EBF1: variants seen among roughly 807,000 people sequenced by gnomAD.
The protein encoded by EBF1 is EBF transcription factor 1.
EBF1 carries 10 observed loss-of-function variants against 68.4 expected under a neutral mutation model. The observed-to-expected ratio is 0.15, with a 90% CI of 0.09 to 0.25. EBF1 has a LOEUF of 0.25. Ranked by LOEUF, EBF1 falls within the 10% of genes least tolerant of loss-of-function variation. EBF1 has a pLI of 1.00. For synonymous variants in EBF1, 298 were observed against 299.8 expected, an observed-to-expected ratio of 0.99 and a Z score of 0.06; for missense variants, 509 against 794.4, an observed-to-expected ratio of 0.64 and a Z score of 4.32.
intron 6 of EBF1, among the ~76,000 whole-genome samples, chr5:158,949,498 A>G (rs1450656748): frequency 1.3e-5 from 2 of 152,198 alleles, no homozygotes; most frequent in African/African-American, 4.8e-5. Flanking sequence ...TTTAAAATTA[A>G]AAACTAAAAA....
rs922280368 is a variant in EBF1, at chr5:158,746,179, C to T, written c.1037-15022G>A. Among the ~76,000 whole-genome samples, 6 of 152,122 alleles carry T rather than the reference C, an allele frequency of 3.9e-5. 1 individual carries two copies. The highest frequency in any genetic ancestry group is 7.2e-5 in the African/African-American group (3 of 41,412). On this transcript the variant is annotated intron_variant, in intron 10 of 15. Transcript: ENST00000313708. Reference sequence around the variant, plus strand: ...ATCATTAGAAGACTTTATGACAGGACGCTGTTAGAGCATAGCATTTGTCAC... The same window carrying T: ...ATCATTAGAAGACTTTATGACAGGATGCTGTTAGAGCATAGCATTTGTCAC...
At chr5:159,035,848 G>A (rs890591977) in intron 6 of EBF1, among the ~76,000 whole-genome samples, 7 of 152,168 alleles carry the variant, frequency 4.6e-5, no homozygotes, top group African/African-American at 1.7e-4. Context: ...AAAGTATTGT[G>A]ATAATCACTC....
intron 9 of EBF1, among the ~76,000 whole-genome samples, chr5:158,795,934 G>A (rs775412237): frequency 1.3e-5 from 2 of 152,182 alleles, no homozygotes; most frequent in Non-Finnish European, 2.9e-5. Context: ...GCCATTGAAT[G>A]ATGTTCCTTG....
At chr5:158,918,143 C>T (rs542014032) in intron 6 of EBF1, among the ~76,000 whole-genome samples, 8 of 152,188 alleles carry the variant, frequency 5.3e-5, no homozygotes, top group South Asian at 2.1e-4. Flanking sequence ...AATTTTATGG[C>T]GATTTTGTTT....
At chr5:158,716,735 T>C in intron 11 of EBF1, among the ~76,000 whole-genome samples, 1 of 152,174 alleles carries the variant, frequency 6.6e-6, no homozygotes, top group East Asian at 1.9e-4. Flanking sequence ...CTCACCTCCA[T>C]GTCATTACGC....
intron 6 of EBF1, among the ~76,000 whole-genome samples, chr5:159,021,490 T>G (rs1453632953): frequency 1.3e-5 from 2 of 152,210 alleles, no homozygotes; most frequent in Admixed American, 6.5e-5. Context: ...AATTAACTTC[T>G]GGGTCCACCT....
chr5:159,032,766 G>T (rs1049988161), intron 6 of EBF1, among the ~76,000 whole-genome samples: 3 of 152,110 alleles, frequency 2.0e-5, no homozygotes, highest in Non-Finnish European at 4.4e-5. Context: ...TTCATGATTA[G>T]CACTTGAAAT....
chr5:158,908,817 G>T (rs943520407), intron 6 of EBF1, among the ~76,000 whole-genome samples: 3 of 152,214 alleles, frequency 2.0e-5, no homozygotes, highest in Non-Finnish European at 4.4e-5. Context: ...GAACCAGGAC[G>T]GGTTGGCTCT....
At chr5:158,930,269 TTTG>T (rs1810578378) in intron 6 of EBF1, among the ~76,000 whole-genome samples, 3 of 110,594 alleles carry the variant, frequency 2.7e-5, no homozygotes, top group South Asian at 4.3e-4. Context: ...TGTTTTTTTT[TTTG>T]TTTGTTTTTT....
intron 6 of EBF1, among the ~76,000 whole-genome samples, chr5:158,857,225 G>T (rs886820384): frequency 2.0e-5 from 3 of 151,428 alleles, no homozygotes; most frequent in Non-Finnish European, 4.4e-5. Flanking sequence ...CTCTCTCCTG[G>T]CAAACTTTCT....
chr5:159,014,217 A>G (rs1195024564), intron 6 of EBF1, among the ~76,000 whole-genome samples: 2 of 152,210 alleles, frequency 1.3e-5, no homozygotes, highest in Non-Finnish European at 2.9e-5. Context: ...ATATTAAACT[A>G]AAGTTACATG....
rs1355911121 is a variant in EBF1 at position 158,696,482 on chromosome 5, C to G, written c.*2629G>C. 4.5e-6 allele frequency: 1 copy of G among 223,066 alleles called. No homozygotes were observed. The highest frequency in any genetic ancestry group is 8.9e-6 in the Non-Finnish European group (1 of 111,750). 13.8% of individuals were successfully genotyped at this position (223,066 alleles called of 1,614,324 possible). A position where few individuals can be genotyped will look rare whatever the true frequency, so the allele number is the denominator to read the frequency against. The stretch of plus-strand genomic sequence containing the variant: ...TAAGCCGGACACCTTCCCGGCTGAC[C>G]GTTCATTCCTTCAGAAACAGTTAAG... On this transcript the variant is annotated 3_prime_UTR_variant, in exon 16 of 16. Coordinates refer to ENST00000313708, the MANE Select transcript of EBF1 (RefSeq NM_024007.5).
intron 14 of EBF1, among the ~76,000 whole-genome samples, chr5:158,708,874 G>C (rs180709149): frequency 6.6e-6 from 1 of 152,314 alleles, no homozygotes; most frequent in African/African-American, 2.4e-5. Context: ...GAATGTTTGG[G>C]AATTAATAAG....
At chr5:158,752,404 G>A (rs1482187633) in intron 10 of EBF1, among the ~76,000 whole-genome samples, 1 of 150,006 alleles carries the variant, frequency 6.7e-6, no homozygotes, top group African/African-American at 2.4e-5. Flanking sequence ...CTATAAAGAT[G>A]CAGAAAGCTT....
intron 6 of EBF1, among the ~76,000 whole-genome samples, chr5:159,046,635 C>T (rs1385419232): frequency 6.6e-6 from 1 of 152,114 alleles, no homozygotes; most frequent in Non-Finnish European, 1.5e-5. Flanking sequence ...TTGAGTTGTA[C>T]ACTCTGCTAC....
chr5:159,084,106 G>A (rs779805704), intron 5 of EBF1, among the ~76,000 whole-genome samples: 3 of 151,876 alleles, frequency 2.0e-5, no homozygotes, highest in Non-Finnish European at 4.4e-5. Context: ...CTACCTCTGC[G>A]AAGTATTGGC....
chr5:159,087,700 TC>T (rs1424802805), intron 4 of EBF1, among the ~76,000 whole-genome samples: 1 of 152,078 alleles, frequency 6.6e-6, no homozygotes, highest in African/African-American at 2.4e-5. Context: ...CTTCCAGAAA[TC>T]CTGTGTCACT....
intron 6 of EBF1, among the ~76,000 whole-genome samples, chr5:158,970,536 A>G (rs1755435863): frequency 6.6e-6 from 1 of 152,240 alleles, no homozygotes; most frequent in Admixed American, 6.5e-5. Context: ...ATTATATTAC[A>G]TTGTGATCAT....
intron 6 of EBF1, among the ~76,000 whole-genome samples, chr5:159,001,297 G>A (rs909232925): frequency 6.6e-6 from 1 of 152,064 alleles, no homozygotes; most frequent in Admixed American, 6.6e-5. Flanking sequence ...TAATTTATAA[G>A]ACAGTAAATA....
Sources: allele counts gnomAD v4.1 joint callset (sites outside exome capture counted in the v4.1 genomes callset), GRCh38; gene constraint gnomAD v4.1.1; transcripts MANE v1.5; gene names NCBI Gene and HGNC (gene_info 2026-07-23, HGNC 2026-07-21).